Variants in NFIC observed in about 807,000 individuals in gnomAD.
NFIC encodes nuclear factor I C, also known as nuclear factor 1 C-type.
Under a neutral mutation model 54.4 loss-of-function variants are expected in NFIC, and 12 were observed. The observed-to-expected ratio is 0.22, with a 90% CI of 0.14 to 0.36. NFIC has a LOEUF of 0.36. Among genes scored for constraint, NFIC ranks in the 10% least tolerant of loss-of-function variants. The pLI is 1.00. For synonymous variants in NFIC, 322 were observed against 319.2 expected, an observed-to-expected ratio of 1.01 and a Z score of -0.09; for missense variants, 575 against 718.2, an observed-to-expected ratio of 0.80 and a Z score of 2.28.
At chr19:3,363,269 A>ATATATTT (rs1453872431), upstream of NFIC, among the ~76,000 whole-genome samples, 1 of 36,696 alleles carries the variant, frequency 2.7e-5, no homozygotes, top group Non-Finnish European at 4.5e-5. Flanking sequence ...ATATATATAT[A>ATATATTT]TTTTTTTTTT....
intron 2 of NFIC, among the ~76,000 whole-genome samples, chr19:3,418,503 G>A (rs1160056490): frequency 6.6e-6 from 1 of 152,206 alleles, no homozygotes; most frequent in Admixed American, 6.6e-5. Context: ...CCAAATGATG[G>A]AAGAATGGTC....
At chr19:3,363,127 C>T (rs79393895), upstream of NFIC, among the ~76,000 whole-genome samples, 2,268 of 151,686 alleles carry the variant, frequency 0.015, 37 homozygotes, top group Non-Finnish European at 0.021. Flanking sequence ...CTGAGAAATA[C>T]ACACTTATAG....
chr19:3,435,839 T>C (rs1006192131), intron 6 of NFIC, among the ~76,000 whole-genome samples: 6 of 151,640 alleles, frequency 4.0e-5, no homozygotes, highest in East Asian at 1.9e-4. Flanking sequence ...TTCTTTCTTT[T>C]TTTTGAGATG....
chr19:3,374,922 G>T (rs1296626618), intron 1 of NFIC, among the ~76,000 whole-genome samples: 2 of 152,128 alleles, frequency 1.3e-5, no homozygotes, highest in Non-Finnish European at 2.9e-5. Context: ...TTGTCTTCCT[G>T]CCTCTGTAAC....
chr19:3,394,519 A>ACAC lies in NFIC; in HGVS notation c.562+12277_562+12278insACC, dbSNP rs1555744611. On this transcript the variant is annotated intron_variant, in intron 2 of 10. Transcript: ENST00000443272. The stretch of plus-strand genomic sequence containing the variant: ...CGAGGTATTTTATGATCTTTTCCCC[A>ACAC]CCCACCCCCCACCCGCTTACACTAA... Among the ~76,000 whole-genome samples the ACAC allele has an allele frequency of 8.9e-4, 42 of 47,314 alleles. 4 individuals carry two copies. Among genetic ancestry groups the ACAC allele is most frequent in the African/African-American group, 5.2e-3 (38 of 7,314 alleles). 31.0% of individuals were successfully genotyped at this position (47,314 alleles called of 152,430 possible).
chr19:3,400,576 C>CA (rs2081539429), intron 2 of NFIC, among the ~76,000 whole-genome samples: 2 of 152,196 alleles, frequency 1.3e-5, no homozygotes, highest in African/African-American at 4.8e-5. Flanking sequence ...TGCGGTGGCT[C>CA]ACGCCTGTCA....
chr19:3,451,983 G>A (rs76573442), intron 7 of NFIC, among the ~76,000 whole-genome samples: 10,608 of 151,888 alleles, frequency 0.07, 1,201 homozygotes, highest in African/African-American at 0.24. Context: ...CAGGCATGGC[G>A]GCGTGCACTT....
At chr19:3,447,087 C>T (rs1216639581) in intron 6 of NFIC, among the ~76,000 whole-genome samples, 2 of 151,926 alleles carry the variant, frequency 1.3e-5, no homozygotes, top group Non-Finnish European at 2.9e-5. Context: ...TCACCTGAGG[C>T]CAGGAGTTTG....
rs1048949519 is a variant in NFIC, at chr19:3,369,076, C to G, written c.30+2410C>G. On this transcript the variant is annotated intron_variant, in intron 1 of 10. Transcript: ENST00000443272. This position sits in a 1 kb window ranked among gnomAD's most constrained non-coding sequence, Gnocchi z 4.3. ...GATGTCTCAGTCTCTCCCACTGTCT[C>G]TGTCTCTTCATGTCTATCTCACCAT... is the stretch of plus-strand genomic sequence containing the variant. Among the ~76,000 whole-genome samples the G allele has an allele frequency of 2.0e-5, 3 of 152,004 alleles. No homozygotes were observed. Among genetic ancestry groups the G allele is most frequent in the African/African-American group, 7.2e-5 (3 of 41,382 alleles).
chr19:3,463,539 C>CGACTCGCTGTCTCGCTGGGGACTCTTTCA lies in NFIC; in HGVS notation c.*772_*800dup, dbSNP rs2082672138. 1 of 984,940 alleles carries CGACTCGCTGTCTCGCTGGGGACTCTTTCA rather than the reference C, an allele frequency of 1.0e-6. No homozygotes were observed. The highest frequency in any genetic ancestry group is 1.2e-6 in the Non-Finnish European group (1 of 829,852). The allele number at this position is 984,940 out of a possible 1,614,324, so 61.0% of individuals were successfully genotyped here. A position where few individuals can be genotyped will look rare whatever the true frequency, so the allele number is the denominator to read the frequency against. ...CACAAGCCCCTCCCAAAGCGCCGGC[C>CGACTCGCTGTCTCGCTGGGGACTCTTTCA]GACTCGCTGTCTCGCTGGGGACTCT... On this transcript the variant is annotated 3_prime_UTR_variant, in exon 11 of 11. Coordinates refer to ENST00000443272, the MANE Select transcript of NFIC (RefSeq NM_001245002.2).
At chr19:3,391,268 C>T (rs1168738057) in intron 2 of NFIC, among the ~76,000 whole-genome samples, 1 of 151,564 alleles carries the variant, frequency 6.6e-6, no homozygotes, top group Non-Finnish European at 1.5e-5. Context: ...ACCACCCCCA[C>T]CAAAAAATGG....
Position 3,453,828 on chromosome 19 carries a change from G to A in NFIC, c.1335G>A (p.Pro445=), listed in dbSNP as rs772992407. The A allele has an allele frequency of 1.8e-5, 29 of 1,594,246 alleles. No individual in the cohort carries two copies. The highest frequency in any genetic ancestry group is 2.2e-5 in the Non-Finnish European group (26 of 1,171,434). The change falls in exon 9 of 11, where the codon CCG becomes CCA. Residue 445 remains proline, a synonymous_variant. Coordinates refer to ENST00000443272, the MANE Select transcript of NFIC (RefSeq NM_001245002.2). This position sits in a 1 kb window ranked among gnomAD's most constrained non-coding sequence, Gnocchi z 6.7. ...HCLSAQMLAP[P]PPGLPRLALP... ...TTTCTGCTCAGATGCTGGCACCTCC[G>A]CCCCCGGGGCTGCCACGGCTGGCGC...
At position 3,453,198 on chromosome 19, in the gene NFIC, C is replaced by G. The variant is rs1389609061; in HGVS notation, c.1269+532C>G. On this transcript the variant is annotated intron_variant, in intron 8 of 10. Transcript: ENST00000443272. The surrounding 1 kb of genome is among the most constrained non-coding windows in gnomAD (Gnocchi z 6.7). The stretch of plus-strand genomic sequence containing the variant: ...AGGCTGCTGTGAGCTGTGATTGTGC[C>G]ACTGCACCCCAGCCTGGGTGACAGA... 6.6e-6 allele frequency among the ~76,000 whole-genome samples: 1 copy of G among 152,160 alleles called. No homozygotes were observed. The highest frequency in any genetic ancestry group is 1.5e-5 in the Non-Finnish European group (1 of 68,034).
At chr19:3,373,140 C>T (rs555250785) in intron 1 of NFIC, among the ~76,000 whole-genome samples, 7 of 152,308 alleles carry the variant, frequency 4.6e-5, no homozygotes, top group South Asian at 4.1e-4. Flanking sequence ...CCACCGCGCC[C>T]GGCCCCTATT....
chr19:3,460,201 G>A (rs58312017), intron 10 of NFIC, among the ~76,000 whole-genome samples: 2,603 of 152,322 alleles, frequency 0.017, 74 homozygotes, highest in African/African-American at 0.059. Context: ...AGCAAGAGGG[G>A]GCCATCCGGG....
intron 2 of NFIC, among the ~76,000 whole-genome samples, chr19:3,395,387 A>G (rs1302743625): frequency 6.6e-6 from 1 of 151,928 alleles, no homozygotes; most frequent in Non-Finnish European, 1.5e-5. Flanking sequence ...TCAGTGGTGC[A>G]ATCACAGCTC....
intron 2 of NFIC, among the ~76,000 whole-genome samples, chr19:3,384,049 G>GTT (rs72250156): frequency 6.8e-5 from 9 of 132,798 alleles, no homozygotes; most frequent in Non-Finnish European, 9.7e-5. Context: ...GTTACCCAGT[G>GTT]TTTTTTTTTT....
chr19:3,385,874 GT>G (rs1455175964), intron 2 of NFIC, among the ~76,000 whole-genome samples: 1 of 151,096 alleles, frequency 6.6e-6, no homozygotes, highest in African/African-American at 2.4e-5. Flanking sequence ...AACTGGCCTT[GT>G]TTTTTGTTTT....
At chr19:3,367,158 C>G (rs1179158015) in intron 1 of NFIC, among the ~76,000 whole-genome samples, 2 of 152,196 alleles carry the variant, frequency 1.3e-5, no homozygotes, top group Non-Finnish European at 1.5e-5. Flanking sequence ...CCCCGTGTCC[C>G]CCCACCAAGG....
Sources: allele counts gnomAD v4.1 joint callset (sites outside exome capture counted in the v4.1 genomes callset), GRCh38; gene constraint gnomAD v4.1.1; non-coding constraint Gnocchi (gnomAD v3.1); transcripts MANE v1.5; gene names NCBI Gene and HGNC (gene_info 2026-07-23, HGNC 2026-07-21).